Variants in SYNPO observed in about 807,000 individuals in gnomAD.
SYNPO encodes the protein synaptopodin.
Under a neutral mutation model 49.5 loss-of-function variants are expected in SYNPO, and 19 were observed. The observed-to-expected ratio is 0.38, with a 90% confidence interval of 0.27 to 0.56. The LOEUF (loss-of-function observed/expected upper bound fraction) is 0.56. Ranked by LOEUF, SYNPO falls within the 20% of genes least tolerant of loss-of-function variation. The pLI is 0.68. For synonymous variants in SYNPO, 536 were observed against 548.0 expected, an observed-to-expected ratio of 0.98 and a Z score of 0.31; for missense variants, 1,131 against 1,248.3, an observed-to-expected ratio of 0.91 and a Z score of 1.42.
In SYNPO at chr5:150,656,715, G is replaced by C. The variant is rs754866434; in HGVS notation, c.2340G>C (p.Pro780=). The part of the protein sequence containing the change: ...ASPRSAGAEN[P]RPFSPPRAPP... ...CGCGGTCGGCGGGCGCCGAGAACCC[G>C]CGGCCCTTCTCCCCGCCGAGGGCGC... The change falls in exon 3 of 3, where the codon CCG becomes CCC. Residue 780 remains proline (P), a synonymous_variant. Coordinates refer to ENST00000307662, the MANE Select transcript of SYNPO (RefSeq NM_007286.6). 1.1e-5 allele frequency: 16 copies of C among 1,414,574 alleles called. No individual in the cohort carries two copies. The highest frequency in any genetic ancestry group is 1.5e-5 in the African/African-American group (1 of 67,134). 87.6% of individuals were successfully genotyped at this position (1,414,574 alleles called of 1,614,324 possible).
At chr5:150,627,901 C>A (rs1006601960) in intron 2 of SYNPO, among the ~76,000 whole-genome samples, 5 of 152,002 alleles carry the variant, frequency 3.3e-5, no homozygotes, top group African/African-American at 1.2e-4. Context: ...TTGGTTGCAT[C>A]CCCAGGGGCT....
At chr5:150,593,296 T>A in the SYNPO span, among the ~76,000 whole-genome samples, 1 of 152,184 alleles carries the variant, frequency 6.6e-6, no homozygotes, top group Non-Finnish European at 1.5e-5. Flanking sequence ...GGAAAGCTCC[T>A]TTCTGAGCTT....
In SYNPO at chr5:150,656,796, C is replaced by A; in HGVS notation, c.2421C>A (p.Pro807=). Residue 807 remains proline, a synonymous_variant, in exon 3 of 3, where the codon CCC becomes CCA. Coordinates refer to ENST00000307662, the MANE Select transcript of SYNPO (RefSeq NM_007286.6). ...CCCCGCGCATGCGCTCGCCACAGCCCGCCCGCCCCGGCTCGGCTGCTGTGC... is the reference window on the plus strand; with the variant it reads ...CCCCGCGCATGCGCTCGCCACAGCCAGCCCGCCCCGGCTCGGCTGCTGTGC... ...PPPPRMRSPQ[P]ARPGSAAVPG... The A allele has an allele frequency of 1.4e-6, 2 of 1,435,850 alleles. No individual in the cohort carries two copies. Among genetic ancestry groups the A allele is most frequent in the Non-Finnish European group, 1.8e-6 (2 of 1,098,578 alleles). 88.9% of individuals were successfully genotyped at this position (1,435,850 alleles called of 1,614,324 possible). A position where few individuals can be genotyped will look rare whatever the true frequency, so the allele number is the denominator to read the frequency against.
exon 2 of SYNPO, chr5:150,618,443 C>T (rs1364165187): frequency 1.3e-6 from 2 of 1,551,558 alleles, no homozygotes; most frequent in East Asian, 2.4e-5. Context: ...CTTCCAGATC[C>T]CTGATGGAAG....
intron 2 of SYNPO, among the ~76,000 whole-genome samples, chr5:150,656,078 G>A (rs752316009): frequency 1.2e-4 from 18 of 152,230 alleles, no homozygotes; most frequent in Non-Finnish European, 2.1e-4. Context: ...ATAAGGTTAA[G>A]TACTGTTATC....
chr5:150,649,258 C>A lies in SYNPO; in HGVS notation c.983C>A (p.Ala328Asp). 2 of 1,614,212 alleles carry A rather than the reference C, an allele frequency of 1.2e-6. No individual in the cohort carries two copies. Among genetic ancestry groups the A allele is most frequent in the East Asian group, 4.5e-5 (2 of 44,874 alleles). Residue 328 changes from alanine to aspartate, a missense_variant, in exon 2 of 3, where the codon GCC (alanine) becomes GAC (aspartate). By Grantham distance (126) the Ala-to-Asp change is moderately radical (BLOSUM62 -2). This residue lies in a region of SYNPO where 602 missense variants were observed against 720.7 expected (regional missense o/e 0.84). Coordinates refer to ENST00000307662, the MANE Select transcript of SYNPO (RefSeq NM_007286.6). ...ACCTACACTGAGACCTTGTCCACAG[C>A]CCCTCTGGCTTCCTGGGTGAGGTCT... Reference protein sequence around the residue: ...PPTYTETLSTAPLASWVRSPP... With the variant: ...PPTYTETLSTDPLASWVRSPP...
chr5:150,640,600 C>T (rs903927361), upstream of SYNPO: 2 of 963,894 alleles, frequency 2.1e-6, no homozygotes, highest in African/African-American at 1.8e-5. Context: ...GGTAGATTGG[C>T]GGGGGAGAGA....
At chr5:150,625,595 T>C (rs951363413) in intron 2 of SYNPO, among the ~76,000 whole-genome samples, 20 of 152,152 alleles carry the variant, frequency 1.3e-4, no homozygotes, top group Non-Finnish European at 2.9e-4. Context: ...GCAATTGCCC[T>C]CCTTGCCAAG....
At chr5:150,656,309 G>A (rs953202241) in intron 2 of SYNPO, 95 bp from the exon 3 acceptor site, 3 of 1,045,434 alleles carry the variant, frequency 2.9e-6, no homozygotes, top group East Asian at 2.9e-5. Context: ...TCCCTTCTCG[G>A]TGTAATGGAC....
the SYNPO span, among the ~76,000 whole-genome samples, chr5:150,589,085 A>G: frequency 6.8e-6 from 1 of 147,412 alleles, no homozygotes; most frequent in African/African-American, 2.5e-5. Flanking sequence ...TTCTGGAGAC[A>G]GAGTCTCGCT....
intron 2 of SYNPO, among the ~76,000 whole-genome samples, chr5:150,634,857 CACACACCACA>C (rs1324399855): frequency 1.4e-3 from 89 of 65,686 alleles, no homozygotes; most frequent in Admixed American, 3.4e-3. Flanking sequence ...CACACACACA[CACACACCACA>C]CACACACACA....
chr5:150,601,473 G>T (rs1274065111), intron 1 of SYNPO, among the ~76,000 whole-genome samples: 1 of 152,160 alleles, frequency 6.6e-6, no homozygotes, highest in Non-Finnish European at 1.5e-5. Flanking sequence ...GTGCCCCAGG[G>T]TGGGTGAGGG....
Position 150,656,798 on chromosome 5 carries a change from C to A in SYNPO, c.2423C>A (p.Ala808Asp). 1 of 1,440,350 alleles carries A rather than the reference C, an allele frequency of 6.9e-7. No individual in the cohort carries two copies. Among genetic ancestry groups the A allele is most frequent in the Non-Finnish European group, 9.1e-7 (1 of 1,100,656 alleles). 89.2% of individuals were successfully genotyped at this position (1,440,350 alleles called of 1,614,324 possible). A position where few individuals can be genotyped will look rare whatever the true frequency, so the allele number is the denominator to read the frequency against. Residue 808 changes from alanine (A) to aspartate (D), a missense_variant, in exon 3 of 3, where the codon GCC becomes GAC. Ala to Asp is a moderately radical substitution (Grantham distance 126). Transcript: ENST00000307662. ...PPPRMRSPQP[A>D]RPGSAAVPGA... is the part of the protein sequence containing the mutation. ...CCGCGCATGCGCTCGCCACAGCCCG[C>A]CCGCCCCGGCTCGGCTGCTGTGCCG...
chr5:150,596,445 C>T (rs12186703), upstream of SYNPO, among the ~76,000 whole-genome samples: 59,266 of 151,926 alleles, frequency 0.39, 11,769 homozygotes, highest in Middle Eastern at 0.5. Flanking sequence ...CAGAAGACGA[C>T]GTTCGATCCC....
chr5:150,616,142 G>A (rs534370900), intron 1 of SYNPO, among the ~76,000 whole-genome samples: 7 of 152,210 alleles, frequency 4.6e-5, no homozygotes, highest in Admixed American at 3.3e-4. Context: ...TTGGTAATGC[G>A]CTTATCTCTC....
the SYNPO span, among the ~76,000 whole-genome samples, chr5:150,591,519 A>G: frequency 6.6e-6 from 1 of 152,250 alleles, no homozygotes. Context: ...CGTCTCAGAT[A>G]GCCCCAAGCC....
Position 150,617,144 on chromosome 5 carries a change from G to A in SYNPO, c.-265-959G>A, listed in dbSNP as rs182351369. Among the ~76,000 whole-genome samples, 188 of 152,278 alleles carry A rather than the reference G, an allele frequency of 1.2e-3. 1 individual carries two copies. Among genetic ancestry groups the A allele is most frequent in the African/African-American group, 4.3e-3 (180 of 41,548 alleles). On this transcript the variant is annotated intron_variant, in intron 1 of 2. Coordinates refer to the SYNPO transcript ENST00000394243. ...TTTCATGTAATCCTCAATGCAATGC[G>A]AAGTTAGAAATATTACAATACCCAT...
At chr5:150,595,426 T>A in the SYNPO span, among the ~76,000 whole-genome samples, 2 of 152,172 alleles carry the variant, frequency 1.3e-5, no homozygotes, top group African/African-American at 4.8e-5. Flanking sequence ...TTGGCTCAGG[T>A]CTCACAGCAT....
At chr5:150,593,158 G>A in the SYNPO span, among the ~76,000 whole-genome samples, 66 of 152,332 alleles carry the variant, frequency 4.3e-4, 1 homozygote, top group South Asian at 9.9e-3. Flanking sequence ...TCTCATTTGC[G>A]GAGAAATGGC....
Sources: allele counts gnomAD v4.1 joint callset (sites outside exome capture counted in the v4.1 genomes callset), GRCh38; gene constraint gnomAD v4.1.1; regional missense constraint gnomAD v4.1.1; transcripts MANE v1.5; gene names NCBI Gene and HGNC (gene_info 2026-07-23, HGNC 2026-07-21).